The following FRMD5 variants were observed in gnomAD, a reference collection of about 807,000 sequenced individuals.
FRMD5 encodes FERM domain-containing protein 5.
Under a neutral mutation model 69.0 loss-of-function variants are expected in FRMD5, and 20 were observed. The ratio of observed to expected loss-of-function variants is 0.29; its 90% CI spans 0.20 to 0.42. The LOEUF is 0.42. FRMD5 is among the 10% of genes least tolerant of loss of function. FRMD5 has a pLI of 1.00. For synonymous variants in FRMD5, 271 were observed against 260.1 expected (o/e 1.04, Z -0.40); for missense variants, 595 against 708.6 (o/e 0.84, Z 1.82).
intron 1 of FRMD5, among the ~76,000 whole-genome samples, chr15:44,082,623 A>T (rs1340322446): frequency 6.6e-6 from 1 of 151,996 alleles, no homozygotes; most frequent in Non-Finnish European, 1.5e-5. Context: ...GTCTGAAGAT[A>T]TTTTTTTAAC....
intron 6 of FRMD5, among the ~76,000 whole-genome samples, chr15:43,902,979 C>G (rs886113514): frequency 1.3e-5 from 2 of 152,156 alleles, no homozygotes; most frequent in Admixed American, 6.5e-5. Flanking sequence ...TGCTGAGCTC[C>G]CATGCTCCAC....
At chr15:43,919,372 C>A in intron 4 of FRMD5, 87 bp downstream of exon 4, 1 of 1,147,808 alleles carries the variant, frequency 8.7e-7, no homozygotes. Flanking sequence ...TAGGCGCTTC[C>A]AAATGAGAGG....
In FRMD5 at chr15:44,062,031, T is replaced by C. The variant is rs139114280; in HGVS notation, c.102+132922A>G. Among the ~76,000 whole-genome samples, 11 of 152,302 alleles carry C rather than the reference T, an allele frequency of 7.2e-5. No homozygotes were observed. The East Asian group carries it at 1.2e-3, about 16-fold the overall frequency. ...TGAGGTCAGTGGGAAATGTGAGAAA[T>C]TGTAGGTTAGATACAAGTGCAGGAA... is the stretch of plus-strand genomic sequence containing the variant. On this transcript the variant is annotated intron_variant, in intron 1 of 13. Transcript: ENST00000417257.
At chr15:44,114,475 GAGGCTCTGT>G (rs1297268072) in intron 1 of FRMD5, among the ~76,000 whole-genome samples, 2 of 152,178 alleles carry the variant, frequency 1.3e-5, no homozygotes, top group African/African-American at 4.8e-5. Flanking sequence ...GGGACACTAT[GAGGCTCTGT>G]AGGTAGAAGG....
intron 7 of FRMD5, among the ~76,000 whole-genome samples, chr15:43,897,374 C>G (rs917668810): frequency 6.6e-6 from 1 of 150,446 alleles, no homozygotes; most frequent in Non-Finnish European, 1.5e-5. Flanking sequence ...GTAATCTCAG[C>G]TACTTGGGAG....
At chr15:43,957,826 T>C (rs2090138382) in intron 1 of FRMD5, among the ~76,000 whole-genome samples, 1 of 152,238 alleles carries the variant, frequency 6.6e-6, no homozygotes, top group South Asian at 2.1e-4. Context: ...TTTTCCTGTG[T>C]TTCCTTGTTG....
chr15:44,029,752 A>C (rs1048972357), intron 1 of FRMD5, among the ~76,000 whole-genome samples: 16 of 152,200 alleles, frequency 1.1e-4, no homozygotes, highest in Non-Finnish European at 1.8e-4. Context: ...CAGGCTTTAA[A>C]ACAGAACAGA....
chr15:44,036,356 A>T lies in FRMD5; in HGVS notation c.103-112047T>A, dbSNP rs189083346. Among the ~76,000 whole-genome samples the T allele has an allele frequency of 8.1e-3, 1,130 of 140,362 alleles. 21 individuals are homozygous for T. The highest frequency in any genetic ancestry group is 0.028 in the African/African-American group (1,075 of 38,774). The allele number at this position is 140,362 out of a possible 152,430, so 92.1% of individuals were successfully genotyped here. A position where few individuals can be genotyped will look rare whatever the true frequency, so the allele number is the denominator to read the frequency against. ...CTCAACATTCTCTTATCTTCAAATT[A>T]AAAAAAAAAAACCCTCCTGGGTCCC... On this transcript the variant is annotated intron_variant, in intron 1 of 13. Coordinates refer to ENST00000417257, the MANE Select transcript of FRMD5 (RefSeq NM_032892.5).
chr15:43,898,966 C>A (rs117292211), intron 7 of FRMD5, among the ~76,000 whole-genome samples: 1 of 152,196 alleles, frequency 6.6e-6, no homozygotes, highest in Non-Finnish European at 1.5e-5. Context: ...GGAAGAACAG[C>A]AGCTTCTTAA....
intron 1 of FRMD5, among the ~76,000 whole-genome samples, chr15:43,991,211 C>T (rs932486355): frequency 5.9e-5 from 9 of 152,192 alleles, no homozygotes; most frequent in Admixed American, 5.2e-4. Context: ...TTTTTGAGCA[C>T]TGTACTTAAA....
chr15:44,040,364 C>G (rs1892132086), intron 1 of FRMD5, among the ~76,000 whole-genome samples: 1 of 152,040 alleles, frequency 6.6e-6, no homozygotes, highest in Non-Finnish European at 1.5e-5. Flanking sequence ...ACATAATAGT[C>G]AGATTCACCA....
chr15:43,873,344 A>AAAAC lies in FRMD5; in HGVS notation c.*537_*540dup, dbSNP rs3830285. On this transcript the variant is annotated 3_prime_UTR_variant, in exon 14 of 14. Transcript: ENST00000417257. ...TTTTTAAAAGTTCTGGCTGGCAAAA[A>AAAAC]AAACAAACAAAAAACTAAACAGTCC... 917 of 1,477,004 alleles carry AAAAC rather than the reference A, an allele frequency of 6.2e-4. 6 individuals are homozygous for AAAAC. In the East Asian group the frequency reaches 8.3e-3, roughly 13 times the overall value. 91.5% of individuals were successfully genotyped at this position (1,477,004 alleles called of 1,614,324 possible).
At chr15:44,143,587 C>A (rs2077305958) in intron 1 of FRMD5, among the ~76,000 whole-genome samples, 1 of 150,914 alleles carries the variant, frequency 6.6e-6, no homozygotes, top group Non-Finnish European at 1.5e-5. Context: ...CATTTCCCAA[C>A]AAACTATAAT....
intron 1 of FRMD5, among the ~76,000 whole-genome samples, chr15:43,971,909 T>C (rs1049256029): frequency 6.6e-6 from 1 of 150,552 alleles, no homozygotes; most frequent in Non-Finnish European, 1.5e-5. Context: ...GGTTTAAAAC[T>C]TCACATTTAA....
intron 1 of FRMD5, among the ~76,000 whole-genome samples, chr15:44,092,444 C>T (rs910048337): frequency 1.3e-5 from 2 of 152,272 alleles, no homozygotes; most frequent in African/African-American, 4.8e-5. Flanking sequence ...ACTCTCTATG[C>T]CAGACACTGT....
intron 1 of FRMD5, chr15:44,063,854 G>T: frequency 3.6e-6 from 1 of 274,264 alleles, no homozygotes. Context: ...TTAGACGGGG[G>T]AACCAAAAAG....
chr15:43,987,994 A>C (rs1889477947), intron 1 of FRMD5, among the ~76,000 whole-genome samples: 1 of 152,224 alleles, frequency 6.6e-6, no homozygotes, highest in Non-Finnish European at 1.5e-5. Flanking sequence ...ATCAAGAACT[A>C]GATTCTCATA....
In FRMD5 at chr15:43,993,770, G is replaced by A. The variant is rs1889796519; in HGVS notation, c.103-69461C>T. Among the ~76,000 whole-genome samples the A allele has an allele frequency of 2.0e-5, 3 of 152,028 alleles. No homozygotes were observed. In the South Asian group the frequency reaches 6.2e-4, roughly 32 times the overall value. ...AATATACTTAGGTGCTCCAGTGTTG[G>A]TGCATCTATATGTATAATTGTTATA... On this transcript the variant is annotated intron_variant, in intron 1 of 13. Transcript: ENST00000417257.
At chr15:43,883,081 C>T (rs908336934) in intron 13 of FRMD5, among the ~76,000 whole-genome samples, 1 of 152,186 alleles carries the variant, frequency 6.6e-6, no homozygotes, top group African/African-American at 2.4e-5. Context: ...CAGGCGTGAG[C>T]CACTGCGCCA....
Sources: allele counts gnomAD v4.1 joint callset (sites outside exome capture counted in the v4.1 genomes callset), GRCh38; gene constraint gnomAD v4.1.1; transcripts MANE v1.5; gene names NCBI Gene and HGNC (gene_info 2026-07-23, HGNC 2026-07-21).